MTMR3: variants seen among roughly 807,000 people sequenced by gnomAD.
The protein encoded by MTMR3 is phosphatidylinositol-3,5-bisphosphate 3-phosphatase MTMR3.
Under a neutral mutation model 132.4 loss-of-function variants are expected in MTMR3, and 32 were observed. That is an observed-to-expected ratio of 0.24 (90% CI 0.18 to 0.32). The LOEUF is 0.32. Among genes scored for constraint, MTMR3 ranks in the 10% least tolerant of loss-of-function variants. The probability of loss-of-function intolerance (pLI) is 1.00; values close to 1 mark genes in which losing one functional copy is unlikely to be tolerated. For synonymous variants in MTMR3, 556 were observed against 550.3 expected (o/e 1.01, Z -0.14); for missense variants, 1,216 against 1,489.6 (o/e 0.82, Z 3.02).
intron 1 of MTMR3, among the ~76,000 whole-genome samples, chr22:29,943,084 A>G (rs986863834): frequency 6.6e-6 from 1 of 152,220 alleles, no homozygotes; most frequent in Non-Finnish European, 1.5e-5. Context: ...TAATTTGGGG[A>G]ACTAATAAAT....
At position 30,028,557 on chromosome 22, in the gene MTMR3, T is replaced by C. The variant is rs1441396787; in HGVS notation, c.*2756T>C. ...CACATGGGTCTGTGGGTGAGATATG[T>C]TATGCTGTTCCTCCCTCGGGAAGGT... On this transcript the variant is annotated 3_prime_UTR_variant, in exon 20 of 20. Coordinates refer to ENST00000401950, the MANE Select transcript of MTMR3 (RefSeq NM_021090.4). The C allele has an allele frequency of 6.6e-6, 1 of 152,364 alleles. No homozygotes were observed. Among genetic ancestry groups the C allele is most frequent in the Non-Finnish European group, 1.5e-5 (1 of 68,068 alleles). The allele number at this position is 152,364 out of a possible 1,614,324, so 9.4% of individuals were successfully genotyped here.
At chr22:29,955,992 TCCAC>T (rs1450551488) in intron 1 of MTMR3, among the ~76,000 whole-genome samples, 1 of 152,162 alleles carries the variant, frequency 6.6e-6, no homozygotes, top group Non-Finnish European at 1.5e-5. Flanking sequence ...CCTCAGGTGA[TCCAC>T]CCACCTTGGC....
At position 30,030,162 on chromosome 22, in the gene MTMR3, A is replaced by C. The variant is rs1400398622; in HGVS notation, c.*4361A>C. The C allele has an allele frequency of 1.3e-5, 2 of 152,320 alleles. No individual in the cohort carries two copies. Among genetic ancestry groups the C allele is most frequent in the Non-Finnish European group, 2.9e-5 (2 of 68,036 alleles). The allele number at this position is 152,320 out of a possible 1,614,324, so 9.4% of individuals were successfully genotyped here. ...GGCGTCTTCTGAAATGGGAGTTACC[A>C]GGTTTTTAAATGCTGCTATTGTTTT... On this transcript the variant is annotated 3_prime_UTR_variant, in exon 20 of 20. Transcript: ENST00000401950.
intron 1 of MTMR3, among the ~76,000 whole-genome samples, chr22:29,956,354 G>T (rs1280873681): frequency 1.3e-5 from 2 of 151,682 alleles, no homozygotes; most frequent in African/African-American, 2.4e-5. Flanking sequence ...TCAAGTAATT[G>T]TCCTGCCTCA....
intron 11 of MTMR3, 128 bp from the exon 12 acceptor site, chr22:30,008,890 C>G: frequency 1.6e-6 from 1 of 639,254 alleles, no homozygotes; most frequent in Admixed American, 2.8e-5. Flanking sequence ...TTAAGCATTT[C>G]AAAACATTTC....
At position 30,019,467 on chromosome 22, in the gene MTMR3, T is replaced by G; in HGVS notation, c.1821-13T>G. On this transcript the variant is annotated splice_polypyrimidine_tract_variant and intron_variant, in intron 16 of 19. Transcript: ENST00000401950. ...TCCAAGATTTTCATTTCCCCCAAAT[T>G]CCTTTCCTTTAGGCTACCAAAGACT... The G allele has an allele frequency of 6.3e-7, 1 of 1,579,576 alleles. No homozygotes were observed. Among genetic ancestry groups the G allele is most frequent in the African/African-American group, 1.3e-5 (1 of 74,110 alleles).
intron 1 of MTMR3, among the ~76,000 whole-genome samples, chr22:29,900,835 C>A (rs2064990475): frequency 6.6e-6 from 1 of 151,986 alleles, no homozygotes; most frequent in Non-Finnish European, 1.5e-5. Flanking sequence ...TGCCTCATCC[C>A]CCTAAGTAGC....
intron 16 of MTMR3, 90 bp from the exon 17 acceptor site, chr22:30,019,390 A>G: frequency 8.0e-7 from 1 of 1,253,818 alleles, no homozygotes; most frequent in Non-Finnish European, 1.1e-6. Context: ...GGACCCAGTT[A>G]TGAAACAACT....
At chr22:29,943,807 T>A (rs1204429529) in intron 1 of MTMR3, among the ~76,000 whole-genome samples, 4 of 118,000 alleles carry the variant, frequency 3.4e-5, no homozygotes, top group African/African-American at 1.4e-4. Flanking sequence ...AGCTCCTTCA[T>A]GTGGACAACT....
At chr22:29,917,858 T>C (rs1028373723) in intron 1 of MTMR3, among the ~76,000 whole-genome samples, 4 of 152,258 alleles carry the variant, frequency 2.6e-5, no homozygotes, top group Non-Finnish European at 5.9e-5. Context: ...ACTGTGTCCA[T>C]GATATGTATG....
At chr22:29,953,503 G>A (rs1246048321) in intron 1 of MTMR3, among the ~76,000 whole-genome samples, 1 of 152,102 alleles carries the variant, frequency 6.6e-6, no homozygotes, top group Admixed American at 6.5e-5. Flanking sequence ...TGTGCCCTTC[G>A]TTTTAGTCAT....
chr22:29,955,757 T>C (rs2066176203), intron 1 of MTMR3, among the ~76,000 whole-genome samples: 1 of 152,240 alleles, frequency 6.6e-6, no homozygotes. Flanking sequence ...ACTTTTTTTT[T>C]CTTTTCTTTT....
chr22:29,943,251 G>A (rs572865808), intron 1 of MTMR3, among the ~76,000 whole-genome samples: 2 of 151,388 alleles, frequency 1.3e-5, no homozygotes, highest in Admixed American at 6.6e-5. Flanking sequence ...GGAGTGCAGT[G>A]GCGCCATCTC....
chr22:29,987,129 T>C (rs1159179843), intron 5 of MTMR3: 3 of 152,250 alleles, frequency 2.0e-5, no homozygotes, highest in South Asian at 2.1e-4. Context: ...AAGAAGACTT[T>C]AGTCCTAAGG....
At chr22:29,943,688 C>T (rs1014812962) in intron 1 of MTMR3, among the ~76,000 whole-genome samples, 1 of 152,070 alleles carries the variant, frequency 6.6e-6, no homozygotes, top group Non-Finnish European at 1.5e-5. Flanking sequence ...GATTATTTTG[C>T]TATGTCTCAT....
Position 29,891,325 on chromosome 22 carries a change from ATG to A in MTMR3, c.-138+7978_-138+7979del, listed in dbSNP as rs200697928. ...TGCGTGTGCGTGTGTGTATGTATGT[ATG>A]TGTGTGTGTGTATATATTTAATATA... On this transcript the variant is annotated intron_variant, in intron 1 of 19. Coordinates refer to ENST00000401950, the MANE Select transcript of MTMR3 (RefSeq NM_021090.4). Among the ~76,000 whole-genome samples the A allele has an allele frequency of 4.5e-3, 675 of 149,114 alleles. 5 individuals are homozygous for A. Among genetic ancestry groups the A allele is most frequent in the African/African-American group, 0.016 (630 of 40,436 alleles).
chr22:29,925,558 TAAA>T (rs528978801), intron 1 of MTMR3, among the ~76,000 whole-genome samples: 3 of 142,966 alleles, frequency 2.1e-5, no homozygotes, highest in Non-Finnish European at 3.1e-5. Context: ...TTGTTTTCTT[TAAA>T]AAAAAAAAAA....
chr22:29,971,551 G>A (rs1354028356), intron 3 of MTMR3, among the ~76,000 whole-genome samples: 1 of 152,044 alleles, frequency 6.6e-6, no homozygotes, highest in African/African-American at 2.4e-5. Context: ...GCTAAATCAA[G>A]CTGATTAACA....
Position 30,028,975 on chromosome 22 carries a change from C to T in MTMR3, c.*3174C>T, listed in dbSNP as rs993057826. On this transcript the variant is annotated 3_prime_UTR_variant, in exon 20 of 20. Coordinates refer to ENST00000401950, the MANE Select transcript of MTMR3 (RefSeq NM_021090.4). The stretch of plus-strand genomic sequence containing the variant: ...ACTATTGTTCCTGTGGGCTAGTCTC[C>T]AGCAAATTAAAACACTGGCATGGCC... 1 of 152,346 alleles carries T rather than the reference C, an allele frequency of 6.6e-6. No homozygotes were observed. The highest frequency in any genetic ancestry group is 1.5e-5 in the Non-Finnish European group (1 of 68,062). The allele number at this position is 152,346 out of a possible 1,614,324, so 9.4% of individuals were successfully genotyped here.
Sources: allele counts gnomAD v4.1 joint callset (sites outside exome capture counted in the v4.1 genomes callset), GRCh38; gene constraint gnomAD v4.1.1; transcripts MANE v1.5; gene names NCBI Gene and HGNC (gene_info 2026-07-23, HGNC 2026-07-21).